UBE2H: variants seen among roughly 807,000 people sequenced by gnomAD.
The protein encoded by UBE2H is ubiquitin conjugating enzyme E2 H.
In UBE2H, 3 loss-of-function variants were observed where a neutral mutation model predicts 29.0. That is an observed-to-expected ratio of 0.10 (90% CI 0.05 to 0.27). UBE2H has a LOEUF of 0.27. Ranked by LOEUF, UBE2H falls within the 10% of genes least tolerant of loss-of-function variation. The pLI is 1.00. For missense variants in UBE2H, 68 were observed against 228.2 expected (o/e 0.30, Z 4.52); for synonymous variants, 69 against 82.9 (o/e 0.83, Z 0.91).
intron 1 of UBE2H, among the ~76,000 whole-genome samples, chr7:129,945,531 G>C (rs1437941319): frequency 6.6e-6 from 1 of 152,090 alleles, no homozygotes; most frequent in Non-Finnish European, 1.5e-5. Flanking sequence ...AACAAAACAA[G>C]AGCCCGCTGA....
At chr7:129,858,823 G>C (rs58506085) in intron 4 of UBE2H, 79 bp downstream of exon 4, 14 of 1,380,050 alleles carry the variant, frequency 1.0e-5, no homozygotes, top group Non-Finnish European at 1.4e-5. Context: ...AAAGATAACC[G>C]AGGCTTTTTA....
intron 1 of UBE2H, among the ~76,000 whole-genome samples, chr7:129,886,767 T>TTA (rs1554435104): frequency 2.8e-4 from 20 of 72,060 alleles, no homozygotes; most frequent in African/African-American, 8.5e-4. Flanking sequence ...TGTTTTTTGG[T>TTA]AAAAAAAAAA....
chr7:129,842,997 A>ATT (rs1214247554), intron 5 of UBE2H, among the ~76,000 whole-genome samples: 60 of 139,556 alleles, frequency 4.3e-4, no homozygotes, highest in Middle Eastern at 3.6e-3. Context: ...ATTAACAGTA[A>ATT]TTTTTTTTTT....
At position 129,952,697 on chromosome 7, in the gene UBE2H, C is replaced by A; in HGVS notation, c.-142G>T. 1 of 916,610 alleles carries A rather than the reference C, an allele frequency of 1.1e-6. No homozygotes were observed. Among genetic ancestry groups the A allele is most frequent in the Non-Finnish European group, 1.5e-6 (1 of 671,632 alleles). The allele number at this position is 916,610 out of a possible 1,614,324, so 56.8% of individuals were successfully genotyped here. Reference sequence around the variant, plus strand: ...TCCCGGCGGTCCCGTCAGCCGCCGCCGCCGCCCCCCGCACGGGGGAACACC... The same window carrying A: ...TCCCGGCGGTCCCGTCAGCCGCCGCAGCCGCCCCCCGCACGGGGGAACACC... On this transcript the variant is annotated 5_prime_UTR_variant, in exon 1 of 7. Transcript: ENST00000355621.
At chr7:129,840,062 A>G (rs935012980) in intron 5 of UBE2H, among the ~76,000 whole-genome samples, 1 of 152,204 alleles carries the variant, frequency 6.6e-6, no homozygotes, top group Non-Finnish European at 1.5e-5. Context: ...GCAACTTCTA[A>G]TGGAGGTAAA....
intron 3 of UBE2H, among the ~76,000 whole-genome samples, chr7:129,859,497 T>C (rs557738169): frequency 7.2e-4 from 110 of 152,314 alleles, no homozygotes; most frequent in African/African-American, 2.5e-3. Flanking sequence ...ATTAGTCTAC[T>C]CATTCAGGGA....
intron 1 of UBE2H, among the ~76,000 whole-genome samples, chr7:129,888,680 G>C (rs1287577853): frequency 2.0e-5 from 3 of 152,062 alleles, no homozygotes; most frequent in African/African-American, 7.3e-5. Context: ...TCACCATATT[G>C]GCCAGGCTGG....
chr7:129,878,054 A>G (rs1402446879), intron 3 of UBE2H, among the ~76,000 whole-genome samples: 1 of 152,350 alleles, frequency 6.6e-6, no homozygotes, highest in South Asian at 2.1e-4. Context: ...ACTAACCAAC[A>G]TAAGAGTTTT....
At position 129,834,113 on chromosome 7, in the gene UBE2H, G is replaced by A. The variant is rs1423135437; in HGVS notation, c.*824C>T. Reference sequence around the variant, plus strand: ...AACTGCCAAACACTAGGATGAGGATGTGACTCTGCATGTGTTTTGGATGAG... The same window carrying A: ...AACTGCCAAACACTAGGATGAGGATATGACTCTGCATGTGTTTTGGATGAG... On this transcript the variant is annotated 3_prime_UTR_variant, in exon 7 of 7. Transcript: ENST00000355621. The A allele has an allele frequency of 6.6e-6, 1 of 152,184 alleles. No individual in the cohort carries two copies. Among genetic ancestry groups the A allele is most frequent in the African/African-American group, 2.4e-5 (1 of 41,440 alleles). 9.4% of individuals were successfully genotyped at this position (152,184 alleles called of 1,614,324 possible). A position where few individuals can be genotyped will look rare whatever the true frequency, so the allele number is the denominator to read the frequency against.
chr7:129,943,706 A>G (rs1807694356), intron 1 of UBE2H, among the ~76,000 whole-genome samples: 1 of 152,092 alleles, frequency 6.6e-6, no homozygotes, highest in South Asian at 2.1e-4. Context: ...TTCAAGACCA[A>G]CCTGGCCAAC....
At chr7:129,952,477 C>T (rs1481941725) in intron 1 of UBE2H, 26 bp downstream of exon 1, 3 of 1,611,072 alleles carry the variant, frequency 1.9e-6, no homozygotes, top group Non-Finnish European at 2.5e-6. Flanking sequence ...CCACACACAG[C>T]CCGAATTCCC....
intron 1 of UBE2H, among the ~76,000 whole-genome samples, chr7:129,886,767 T>TTTCTTTTGG (rs1554435104): frequency 6.2e-4 from 45 of 72,060 alleles, no homozygotes; most frequent in African/African-American, 2.3e-3. Flanking sequence ...TGTTTTTTGG[T>TTTCTTTTGG]AAAAAAAAAA....
chr7:129,946,695 G>T (rs1807773367), intron 1 of UBE2H, among the ~76,000 whole-genome samples: 1 of 152,194 alleles, frequency 6.6e-6, no homozygotes, highest in South Asian at 2.1e-4. Flanking sequence ...CCCCGGGCTG[G>T]AGTGCAGTGG....
intron 1 of UBE2H, among the ~76,000 whole-genome samples, chr7:129,899,024 G>A (rs1200694134): frequency 6.6e-6 from 1 of 152,102 alleles, no homozygotes; most frequent in Non-Finnish European, 1.5e-5. Context: ...CATCTAGGGA[G>A]GATATGTTTG....
intron 5 of UBE2H, among the ~76,000 whole-genome samples, chr7:129,841,675 G>A (rs1037860200): frequency 1.3e-5 from 2 of 152,162 alleles, no homozygotes; most frequent in African/African-American, 4.8e-5. Flanking sequence ...TTGACACAGA[G>A]CAGCTCTGCC....
intron 1 of UBE2H, among the ~76,000 whole-genome samples, chr7:129,930,909 C>CA (rs71175050): frequency 0.22 from 7,694 of 34,384 alleles, 925 homozygotes; most frequent in African/African-American, 0.27. Context: ...CCCCGTCTCA[C>CA]AAAAAAAAAA....
At chr7:129,876,416 A>G (rs1806145125) in intron 3 of UBE2H, among the ~76,000 whole-genome samples, 1 of 152,228 alleles carries the variant, frequency 6.6e-6, no homozygotes, top group African/African-American at 2.4e-5. Flanking sequence ...GAAAAATATG[A>G]AAGTCTGAAT....
At chr7:129,948,088 G>C (rs547587519) in intron 1 of UBE2H, among the ~76,000 whole-genome samples, 13 of 152,038 alleles carry the variant, frequency 8.6e-5, no homozygotes, top group Non-Finnish European at 1.9e-4. Flanking sequence ...CCGAACTCCT[G>C]ACCTCAGGTG....
At chr7:129,896,085 C>T (rs1369360876) in intron 1 of UBE2H, among the ~76,000 whole-genome samples, 1 of 151,948 alleles carries the variant, frequency 6.6e-6, no homozygotes, top group East Asian at 1.9e-4. Flanking sequence ...TGCCTGTAAT[C>T]CCAGCACTTC....
Sources: allele counts gnomAD v4.1 joint callset (sites outside exome capture counted in the v4.1 genomes callset), GRCh38; gene constraint gnomAD v4.1.1; transcripts MANE v1.5; gene names NCBI Gene and HGNC (gene_info 2026-07-23, HGNC 2026-07-21).